The following TNR variants were observed in gnomAD, a reference collection of about 807,000 sequenced individuals.
The protein encoded by TNR is tenascin R, also known as tenascin-R.
Under a neutral mutation model 150.4 loss-of-function variants are expected in TNR, and 45 were observed. The observed-to-expected ratio is 0.30, with a 90% CI of 0.24 to 0.38. The LOEUF is 0.38. TNR is among the 10% of genes least tolerant of loss of function. The pLI is 1.00. For synonymous variants in TNR, 687 were observed against 678.4 expected (o/e 1.01, Z -0.20); for missense variants, 1,544 against 1,759.1 (o/e 0.88, Z 2.19).
chr1:175,693,671 T>C (rs1666437688), intron 1 of TNR, among the ~76,000 whole-genome samples: 1 of 152,210 alleles, frequency 6.6e-6, no homozygotes, highest in Non-Finnish European at 1.5e-5. Flanking sequence ...ATTTGCCACA[T>C]AGGACTGAGA....
rs545005207 is a variant in TNR at position 175,343,933 on chromosome 1, T to A, written c.3383-6254A>T. On this transcript the variant is annotated intron_variant, in intron 18 of 22. Transcript: ENST00000367674. ...AGGCCTCGAGTACAAGATGTCCAGG[T>A]TTTTGGCGTTTTTGAACAACGAATT... Among the ~76,000 whole-genome samples the A allele has an allele frequency of 3.9e-5, 6 of 152,276 alleles. No individual in the cohort carries two copies. In the East Asian group the frequency reaches 1.2e-3, roughly 29 times the overall value.
chr1:175,467,740 T>C (rs1657096411), intron 2 of TNR, among the ~76,000 whole-genome samples: 1 of 152,136 alleles, frequency 6.6e-6, no homozygotes, highest in Non-Finnish European at 1.5e-5. Context: ...AGGAAATACG[T>C]GGGAATTTTC....
chr1:175,375,686 T>C (rs1652346059), intron 9 of TNR, among the ~76,000 whole-genome samples: 1 of 151,866 alleles, frequency 6.6e-6, no homozygotes, highest in African/African-American at 2.4e-5. Flanking sequence ...GAATGGCAAA[T>C]ACAGGTGCCA....
At chr1:175,338,399 G>T (rs1650347608) in intron 18 of TNR, among the ~76,000 whole-genome samples, 1 of 152,206 alleles carries the variant, frequency 6.6e-6, no homozygotes, top group Admixed American at 6.5e-5. Flanking sequence ...CTTAAATCCT[G>T]TGTCTTGAAG....
intron 1 of TNR, among the ~76,000 whole-genome samples, chr1:175,565,396 T>C (rs2102214189): frequency 6.6e-6 from 1 of 152,240 alleles, no homozygotes; most frequent in East Asian, 1.9e-4. Flanking sequence ...TTTACAAATA[T>C]ACAGTATTAG....
chr1:175,600,997 A>ATAAACTT (rs1663211442), intron 1 of TNR, among the ~76,000 whole-genome samples: 1 of 152,230 alleles, frequency 6.6e-6, no homozygotes, highest in African/African-American at 2.4e-5. Flanking sequence ...ATTTGTTTAG[A>ATAAACTT]TAAACTTTGC....
chr1:175,704,802 C>T (rs532706932), intron 1 of TNR, among the ~76,000 whole-genome samples: 54 of 152,314 alleles, frequency 3.5e-4, no homozygotes, highest in Admixed American at 2.6e-4. Flanking sequence ...TCATGAGTTG[C>T]GGCTGTTTAC....
At chr1:175,442,073 C>A (rs1406114608) in intron 2 of TNR, among the ~76,000 whole-genome samples, 1 of 152,204 alleles carries the variant, frequency 6.6e-6, no homozygotes, top group African/African-American at 2.4e-5. Flanking sequence ...TGGTTTCAAT[C>A]TGCAGAGGGG....
At chr1:175,698,995 G>A (rs1313294859) in intron 1 of TNR, among the ~76,000 whole-genome samples, 2 of 152,186 alleles carry the variant, frequency 1.3e-5, no homozygotes, top group Admixed American at 1.3e-4. Context: ...TAGACTGGGA[G>A]TGGGCAGGCA....
chr1:175,615,712 G>T (rs1663754327), intron 1 of TNR, among the ~76,000 whole-genome samples: 1 of 152,164 alleles, frequency 6.6e-6, no homozygotes, highest in Non-Finnish European at 1.5e-5. Flanking sequence ...AGATTAAGCG[G>T]AGCCTTCCAA....
chr1:175,666,364 G>A (rs1004150063), intron 1 of TNR, among the ~76,000 whole-genome samples: 3 of 152,080 alleles, frequency 2.0e-5, no homozygotes, highest in African/African-American at 7.2e-5. Context: ...TGGAACCAGG[G>A]CTCCCTGCAT....
At chr1:175,393,697 CTT>C in intron 6 of TNR, 81 bp downstream of exon 6, 1 of 1,136,124 alleles carries the variant, frequency 8.8e-7, no homozygotes, top group East Asian at 2.4e-5. Flanking sequence ...TTGGGTAGCA[CTT>C]TCCTTGCTGC....
At chr1:175,492,613 G>A (rs948113228) in intron 2 of TNR, among the ~76,000 whole-genome samples, 1 of 152,172 alleles carries the variant, frequency 6.6e-6, no homozygotes, top group African/African-American at 2.4e-5. Flanking sequence ...GGGCCTGAGA[G>A]AGTTTGGAGG....
At chr1:175,629,726 T>C (rs1664265899) in intron 1 of TNR, among the ~76,000 whole-genome samples, 1 of 152,128 alleles carries the variant, frequency 6.6e-6, no homozygotes, top group South Asian at 2.1e-4. Flanking sequence ...GCCAAGAATT[T>C]TACCAGTGGA....
chr1:175,330,017 TG>T, intron 21 of TNR, 56 bp downstream of exon 21: 1 of 1,421,216 alleles, frequency 7.0e-7, no homozygotes, highest in Non-Finnish European at 9.3e-7. Flanking sequence ...GCCTAGAATC[TG>T]GGGGCTCTTG....
intron 22 of TNR, 105 bp downstream of exon 22, chr1:175,324,251 T>G (rs1571284230): frequency 1.6e-6 from 2 of 1,249,658 alleles, no homozygotes. Context: ...ATATTTCTTT[T>G]TAAAGGGAAA....
chr1:175,496,267 T>C (rs541944302), intron 2 of TNR, among the ~76,000 whole-genome samples: 156 of 152,338 alleles, frequency 1.0e-3, no homozygotes, highest in African/African-American at 3.6e-3. Context: ...TTCGTCTCAC[T>C]AATTTAAATA....
At chr1:175,511,707 T>C (rs920466011) in intron 2 of TNR, among the ~76,000 whole-genome samples, 1 of 152,148 alleles carries the variant, frequency 6.6e-6, no homozygotes, top group Non-Finnish European at 1.5e-5. Flanking sequence ...AATTTGTGAG[T>C]CATGGAGCCA....
At chr1:175,669,698 T>C (rs1028901732) in intron 1 of TNR, among the ~76,000 whole-genome samples, 4 of 152,164 alleles carry the variant, frequency 2.6e-5, no homozygotes, top group African/African-American at 9.7e-5. Context: ...AGAGGAAACC[T>C]CTAAGATCTT....
Sources: allele counts gnomAD v4.1 joint callset (sites outside exome capture counted in the v4.1 genomes callset), GRCh38; gene constraint gnomAD v4.1.1; transcripts MANE v1.5; gene names NCBI Gene and HGNC (gene_info 2026-07-23, HGNC 2026-07-21).